Variants in ARHGEF11 observed in about 807,000 individuals in gnomAD.
ARHGEF11 encodes the protein Rho guanine nucleotide exchange factor 11, also known as Rho guanine exchange factor (GEF) 11.
Under a neutral mutation model 193.7 loss-of-function variants are expected in ARHGEF11, and 55 were observed. That is an observed-to-expected ratio of 0.28 (90% CI 0.23 to 0.36). ARHGEF11 has a LOEUF of 0.36. ARHGEF11 is among the 10% of genes least tolerant of loss of function. The probability of loss-of-function intolerance (pLI) is 1.00; values close to 1 mark genes in which losing one functional copy is unlikely to be tolerated. For synonymous variants in ARHGEF11, 693 were observed against 768.0 expected (o/e 0.90, Z 1.62); for missense variants, 1,723 against 2,005.6 (o/e 0.86, Z 2.69).
chr1:157,043,442 T>C (rs571079183), intron 1 of ARHGEF11, among the ~76,000 whole-genome samples: 2 of 152,238 alleles, frequency 1.3e-5, no homozygotes, highest in South Asian at 2.1e-4. Flanking sequence ...GAGGTAAGAA[T>C]TGCAACCACA....
intron 6 of ARHGEF11, 78 bp downstream of exon 6, chr1:156,978,126 T>G (rs1663528248): frequency 6.3e-7 from 1 of 1,578,712 alleles, no homozygotes; most frequent in South Asian, 1.2e-5. Flanking sequence ...CCCACTGGAT[T>G]TAACTTGCTT....
intron 1 of ARHGEF11, among the ~76,000 whole-genome samples, chr1:157,015,144 T>A (rs201255110): frequency 1.3e-5 from 2 of 152,140 alleles, no homozygotes; most frequent in Non-Finnish European, 2.9e-5. Flanking sequence ...AAACAATACA[T>A]CCTGGACAAT....
Position 156,991,553 on chromosome 1 carries a change from C to A in ARHGEF11, c.33-5380G>T, listed in dbSNP as rs1269298359. Among the ~76,000 whole-genome samples the A allele has an allele frequency of 3.9e-5, 6 of 152,096 alleles. No homozygotes were observed. The South Asian group carries it at 1.2e-3, about 32-fold the overall frequency. On this transcript the variant is annotated intron_variant, in intron 1 of 40. Transcript: ENST00000368194. Reference sequence around the variant, plus strand: ...CAGGCTGGTCTAGAACTCCTGGGCTCAAGTGATCCACCTGCCTCGGCCTCC... The same window carrying A: ...CAGGCTGGTCTAGAACTCCTGGGCTAAAGTGATCCACCTGCCTCGGCCTCC...
chr1:156,978,141 C>T, intron 6 of ARHGEF11, 63 bp downstream of exon 6: 1 of 1,602,198 alleles, frequency 6.2e-7, no homozygotes, highest in Non-Finnish European at 8.5e-7. Flanking sequence ...TTGCTTTCCT[C>T]CCCAATGCGG....
intron 1 of ARHGEF11, among the ~76,000 whole-genome samples, chr1:156,992,697 T>C (rs1665926758): frequency 6.6e-6 from 1 of 152,162 alleles, no homozygotes. Context: ...CAGTCAGAAG[T>C]TCTGGCATCC....
At chr1:156,955,025 G>A in intron 20 of ARHGEF11, 104 bp from the exon 21 acceptor site, 2 of 1,001,502 alleles carry the variant, frequency 2.0e-6, no homozygotes, top group Non-Finnish European at 3.0e-6. Flanking sequence ...AAAAGGTAGT[G>A]GCGAAAATCA....
At chr1:157,035,906 T>G (rs4061791) in intron 1 of ARHGEF11, among the ~76,000 whole-genome samples, 1,435 of 47,424 alleles carry the variant, frequency 0.03, 150 homozygotes, top group Middle Eastern at 0.07. Context: ...TATATATATA[T>G]GAATCTATAT....
At chr1:156,949,920 T>C (rs899636413) in intron 22 of ARHGEF11, among the ~76,000 whole-genome samples, 5 of 152,228 alleles carry the variant, frequency 3.3e-5, no homozygotes, top group Non-Finnish European at 5.9e-5. Flanking sequence ...CTATTTCTTC[T>C]GAGATTGCCA....
At chr1:157,046,821 C>T (rs1673355261), upstream of ARHGEF11, among the ~76,000 whole-genome samples, 1 of 146,630 alleles carries the variant, frequency 6.8e-6, no homozygotes, top group Non-Finnish European at 1.5e-5. Flanking sequence ...CCATCCTGGG[C>T]CAACATGGTG....
chr1:156,939,751 G>C lies in ARHGEF11; in HGVS notation c.3893C>G (p.Pro1298Arg). Residue 1298 changes from proline (P) to arginine (R), a missense_variant, in exon 37 of 41, where the codon CCT (proline) becomes CGT (arginine). Physicochemically the swap from Pro to Arg is moderately radical, Grantham distance 103. Transcript: ENST00000368194. ...WDPGSPGQAP[P>R]GGEGDNTQLA... ...CTGGGTGTTGTCCCCTTCACCCCCA[G>C]GGGGTGCTTGCCCTGGGGAGCCTGG... 1 of 1,613,990 alleles carries C rather than the reference G, an allele frequency of 6.2e-7. No homozygotes were observed. The highest frequency in any genetic ancestry group is 8.5e-7 in the Non-Finnish European group (1 of 1,179,964).
At chr1:156,978,775 T>G (rs2102395912) in intron 5 of ARHGEF11, among the ~76,000 whole-genome samples, 1 of 152,368 alleles carries the variant, frequency 6.6e-6, no homozygotes, top group South Asian at 2.1e-4. Flanking sequence ...TCCCACATTC[T>G]TCAATTCTTT....
intron 32 of ARHGEF11, 152 bp from the exon 33 acceptor site, chr1:156,942,932 T>G: frequency 3.2e-6 from 2 of 631,400 alleles, no homozygotes; most frequent in South Asian, 4.0e-5. Flanking sequence ...TCAGGACCAC[T>G]TGGAACCCAC....
In ARHGEF11 at chr1:156,959,096, T is replaced by C. The variant is rs751542380; in HGVS notation, c.1329A>G (p.Glu443=). The change falls in exon 16 of 41, where the codon GAA becomes GAG. Residue 443 remains glutamate (E), a synonymous_variant. Transcript: ENST00000368194. ...TCTCAGGCATGGCTGCCTCTTGAGC[T>C]TCACAGAGAACACCACGGGCATCTT... The part of the protein sequence containing the change: ...NSEDARGVLC[E]AQEAAMPEIQ... 6.2e-7 allele frequency: 1 copy of C among 1,614,070 alleles called. No homozygotes were observed. The highest frequency in any genetic ancestry group is 2.2e-5 in the East Asian group (1 of 44,882).
At chr1:156,942,640 C>G in intron 33 of ARHGEF11, 50 bp downstream of exon 33, 1 of 1,545,674 alleles carries the variant, frequency 6.5e-7, no homozygotes, top group Non-Finnish European at 8.9e-7. Context: ...AAACACCACC[C>G]TGGTCCGAAA....
At chr1:157,024,590 C>T (rs974450052) in intron 1 of ARHGEF11, among the ~76,000 whole-genome samples, 8 of 152,100 alleles carry the variant, frequency 5.3e-5, no homozygotes, top group African/African-American at 1.9e-4. Flanking sequence ...AACTTGTCTG[C>T]AGGTATAGGT....
intron 12 of ARHGEF11, 77 bp from the exon 13 acceptor site, chr1:156,963,381 T>C: frequency 6.7e-7 from 1 of 1,500,860 alleles, no homozygotes; most frequent in Admixed American, 1.7e-5. Flanking sequence ...TCCCATGTGA[T>C]TCCCCGTCCT....
chr1:156,981,395 T>C (rs1037756867), intron 3 of ARHGEF11, among the ~76,000 whole-genome samples: 1 of 152,172 alleles, frequency 6.6e-6, no homozygotes, highest in South Asian at 2.1e-4. Flanking sequence ...GGTGACTGAC[T>C]GTGAGGTGCT....
intron 1 of ARHGEF11, among the ~76,000 whole-genome samples, chr1:157,010,064 T>C (rs1668365754): frequency 6.6e-6 from 1 of 152,200 alleles, no homozygotes; most frequent in Non-Finnish European, 1.5e-5. Flanking sequence ...CTGGGTGTGA[T>C]GGCTCATGCC....
intron 1 of ARHGEF11, among the ~76,000 whole-genome samples, chr1:157,039,422 C>G (rs1487644557): frequency 6.6e-6 from 1 of 152,234 alleles, no homozygotes; most frequent in East Asian, 1.9e-4. Flanking sequence ...TCATCCACGT[C>G]TACTAACTCA....
Sources: allele counts gnomAD v4.1 joint callset (sites outside exome capture counted in the v4.1 genomes callset), GRCh38; gene constraint gnomAD v4.1.1; transcripts MANE v1.5; gene names NCBI Gene and HGNC (gene_info 2026-07-23, HGNC 2026-07-21).